NALCN: variants seen among roughly 807,000 people sequenced by gnomAD.
The protein encoded by NALCN is sodium leak channel NALCN.
NALCN carries 111 observed loss-of-function variants against 225.3 expected under a neutral mutation model. That is an observed-to-expected ratio of 0.49 (90% CI 0.42 to 0.58). NALCN has a LOEUF of 0.58. NALCN is among the 20% of genes least tolerant of loss of function. The pLI, the probability that NALCN is intolerant of heterozygous loss-of-function variation, is 0.00. For synonymous variants in NALCN, 764 were observed against 769.0 expected, an observed-to-expected ratio of 0.99 and a Z score of 0.11; for missense variants, 1,378 against 2,202.4, an observed-to-expected ratio of 0.63 and a Z score of 7.49.
intron 13 of NALCN, among the ~76,000 whole-genome samples, chr13:101,214,946 G>C (rs2040672195): frequency 6.6e-6 from 1 of 152,152 alleles, no homozygotes; most frequent in Admixed American, 6.5e-5. Context: ...ATATGATGCA[G>C]AACTAGGGGG....
chr13:101,271,798 CAT>C (rs1491309712), intron 10 of NALCN, among the ~76,000 whole-genome samples: 2 of 150,942 alleles, frequency 1.3e-5, no homozygotes, highest in East Asian at 2.0e-4. Context: ...TGTGTGCATG[CAT>C]GTGTGTGTGT....
chr13:101,095,512 A>T, intron 28 of NALCN, 62 bp downstream of exon 28: 1 of 1,351,648 alleles, frequency 7.4e-7, no homozygotes, highest in Non-Finnish European at 1.0e-6. Flanking sequence ...TATGATACTT[A>T]TTTAAAGCCT....
Position 101,186,469 on chromosome 13 carries a change from A to G in NALCN, c.1764+5448T>C, listed in dbSNP as rs78519260. 8.1e-4 allele frequency among the ~76,000 whole-genome samples: 123 copies of G among 152,362 alleles called. 3 individuals are homozygous for G. In the East Asian group the frequency reaches 0.017, roughly 21 times the overall value. ...CATAAAGCCCATTACAGTAACTGTTAGTCTAAGGGTACAAAGGAAAAGAGA... is the reference window on the plus strand; with the variant it reads ...CATAAAGCCCATTACAGTAACTGTTGGTCTAAGGGTACAAAGGAAAAGAGA... On this transcript the variant is annotated intron_variant, in intron 14 of 43. Coordinates refer to ENST00000251127, the MANE Select transcript of NALCN (RefSeq NM_052867.4).
chr13:101,315,603 G>C (rs367831444), intron 7 of NALCN, among the ~76,000 whole-genome samples: 47 of 152,280 alleles, frequency 3.1e-4, no homozygotes, highest in African/African-American at 7.2e-4. Context: ...TTCTTAGTAA[G>C]AATGTGTACA....
chr13:101,104,896 A>C lies in NALCN; in HGVS notation c.2634T>G (p.Leu878=). The C allele has an allele frequency of 6.2e-7, 1 of 1,613,756 alleles. No homozygotes were observed. The highest frequency in any genetic ancestry group is 8.5e-7 in the Non-Finnish European group (1 of 1,179,778). ...GAVKNTKYHQ[L]YDLLGLVTYL... ...AAAATGAAGTTGGTGATGCTTACTA[A>C]AGTTGATGGTACTTTGTATTTTTCA... The change falls in exon 23 of 44, where the codon CTT becomes CTG. Residue 878 remains leucine, a splice_region_variant and synonymous_variant. Transcript: ENST00000251127. This position sits in a 1 kb window ranked among gnomAD's most constrained non-coding sequence, Gnocchi z 4.2.
At chr13:101,389,257 T>C (rs2047075830) in intron 3 of NALCN, among the ~76,000 whole-genome samples, 1 of 152,086 alleles carries the variant, frequency 6.6e-6, no homozygotes, top group South Asian at 2.1e-4. Flanking sequence ...AATAAATACG[T>C]GTGGAATGCT....
intron 17 of NALCN, among the ~76,000 whole-genome samples, chr13:101,127,857 A>G (rs2036312696): frequency 6.6e-6 from 1 of 152,158 alleles, no homozygotes; most frequent in African/African-American, 2.4e-5. Context: ...TTACTTCTAT[A>G]GTAAAGCTTT....
rs964420072 is a variant in NALCN, at chr13:101,348,664, C to T, written c.645-3244G>A. 5.3e-5 allele frequency among the ~76,000 whole-genome samples: 8 copies of T among 151,668 alleles called. No individual in the cohort carries two copies. The East Asian group carries it at 1.5e-3, about 29-fold the overall frequency. ...TCCTTTTTTCTTCCTATTATATTTG[C>T]TTTTTCTTTCATATTAGTGCTGATA... is the stretch of plus-strand genomic sequence containing the variant. On this transcript the variant is annotated intron_variant, in intron 6 of 43. Coordinates refer to ENST00000251127, the MANE Select transcript of NALCN (RefSeq NM_052867.4).
At chr13:101,250,885 T>C (rs2042042656) in intron 11 of NALCN, among the ~76,000 whole-genome samples, 1 of 151,560 alleles carries the variant, frequency 6.6e-6, no homozygotes, top group Admixed American at 6.6e-5. Flanking sequence ...AAGAGGAAAT[T>C]CAGGGCTGAC....
intron 37 of NALCN, among the ~76,000 whole-genome samples, chr13:101,071,011 ATCAGATC>A (rs1015261000): frequency 1.1e-4 from 16 of 152,190 alleles, no homozygotes; most frequent in African/African-American, 3.6e-4. Context: ...TTATAAAACC[ATCAGATC>A]TCATGACGGC....
At position 101,083,200 on chromosome 13, in the gene NALCN, T is replaced by C. The variant is rs1191129842; in HGVS notation, c.3584-2A>G. ...TTTTAGCTCTAAAACCATCATTATCTAGAAAAGAAAGGTTTGGGCAAGGGC... is the reference window on the plus strand; with the variant it reads ...TTTTAGCTCTAAAACCATCATTATCCAGAAAAGAAAGGTTTGGGCAAGGGC... On this transcript the variant is annotated splice_acceptor_variant, in intron 31 of 43. Transcript: ENST00000251127. LOFTEE classifies it high-confidence loss of function. 6.2e-7 allele frequency: 1 copy of C among 1,613,180 alleles called. No homozygotes were observed.
rs569243572 is a variant in NALCN, at chr13:101,375,047, C to T, written c.644+1653G>A. ...TAAAATAACATAGCCATGAGTTACT[C>T]ATAGATGTTTTCCTTTCACACTCTT... On this transcript the variant is annotated intron_variant, in intron 6 of 43. Transcript: ENST00000251127. 3.3e-5 allele frequency among the ~76,000 whole-genome samples: 5 copies of T among 152,252 alleles called. No homozygotes were observed. In the East Asian group the frequency reaches 5.8e-4, roughly 18 times the overall value.
chr13:101,204,229 T>C (rs549376624), intron 13 of NALCN, among the ~76,000 whole-genome samples: 2 of 152,296 alleles, frequency 1.3e-5, no homozygotes, highest in East Asian at 3.9e-4. Context: ...ACTGTATCTG[T>C]AAAATAATTC....
intron 17 of NALCN, among the ~76,000 whole-genome samples, chr13:101,130,320 TC>T (rs2036455497): frequency 6.6e-6 from 1 of 152,214 alleles, no homozygotes; most frequent in African/African-American, 2.4e-5. Flanking sequence ...TTGCATATCT[TC>T]TTCCCGTTCA....
chr13:101,133,798 T>C (rs2036629467), intron 17 of NALCN, among the ~76,000 whole-genome samples: 1 of 152,218 alleles, frequency 6.6e-6, no homozygotes, highest in Non-Finnish European at 1.5e-5. Context: ...AATACCATTA[T>C]AATATCATGT....
chr13:101,401,996 C>T (rs147113141), intron 1 of NALCN, among the ~76,000 whole-genome samples: 1 of 152,202 alleles, frequency 6.6e-6, no homozygotes, highest in Non-Finnish European at 1.5e-5. Context: ...TTGTTTTATG[C>T]CTTCATTCAT....
At chr13:101,388,994 C>A (rs1198688042) in intron 3 of NALCN, among the ~76,000 whole-genome samples, 1 of 152,200 alleles carries the variant, frequency 6.6e-6, no homozygotes, top group Non-Finnish European at 1.5e-5. Flanking sequence ...CGGGCAACGT[C>A]CAGGGGAGTA....
chr13:101,370,587 A>G (rs1487770577), intron 6 of NALCN, among the ~76,000 whole-genome samples: 3 of 152,234 alleles, frequency 2.0e-5, no homozygotes, highest in Non-Finnish European at 4.4e-5. Flanking sequence ...AGACCAGTGA[A>G]GCACAACAGA....
intron 13 of NALCN, among the ~76,000 whole-genome samples, chr13:101,203,191 C>G (rs1283969007): frequency 6.6e-6 from 1 of 152,140 alleles, no homozygotes; most frequent in Non-Finnish European, 1.5e-5. Flanking sequence ...CAACTTCTAT[C>G]ACAGTGGTTA....
Sources: gnomAD v4.1 joint callset for allele counts (sites outside exome capture counted in the v4.1 genomes callset) on GRCh38, gnomAD v4.1.1 for gene constraint, Gnocchi (gnomAD v3.1) non-coding constraint, MANE v1.5 for transcripts, NCBI Gene and HGNC (gene_info 2026-07-23, HGNC 2026-07-21) for gene names.